Variants in SVEP1 observed in about 807,000 individuals in gnomAD.
The protein encoded by SVEP1 is sushi, von Willebrand factor type A, EGF and pentraxin domain containing 1, also known as sushi, von Willebrand factor type A, EGF and pentraxin domain-containing protein 1.
SVEP1 carries 164 observed loss-of-function variants against 367.3 expected under a neutral mutation model. That is an observed-to-expected ratio of 0.45 (90% confidence interval 0.39 to 0.51). SVEP1 has a LOEUF of 0.51. Among genes scored for constraint, SVEP1 ranks in the 20% least tolerant of loss-of-function variants. The pLI is 0.00. For synonymous variants in SVEP1, 1,666 were observed against 1,611.6 expected, an observed-to-expected ratio of 1.03 and a Z score of -0.81; for missense variants, 4,117 against 4,425.3, an observed-to-expected ratio of 0.93 and a Z score of 1.98.
chr9:110,460,480 T>C (rs1187504144), intron 18 of SVEP1, among the ~76,000 whole-genome samples: 1 of 152,154 alleles, frequency 6.6e-6, no homozygotes, highest in Non-Finnish European at 1.5e-5. Flanking sequence ...TGGTGGGGTA[T>C]GGTGGCTCAT....
At chr9:110,525,437 A>C (rs1829928429) in intron 3 of SVEP1, among the ~76,000 whole-genome samples, 1 of 152,232 alleles carries the variant, frequency 6.6e-6, no homozygotes, top group South Asian at 2.1e-4. Flanking sequence ...TCAAATATCT[A>C]AATTAATATA....
chr9:110,390,215 T>TTGTATATATACTTATATAAATATG (rs1827620608), intron 40 of SVEP1, among the ~76,000 whole-genome samples: 1 of 63,060 alleles, frequency 1.6e-5, no homozygotes, highest in Non-Finnish European at 3.3e-5. Flanking sequence ...ATGTATATAC[T>TTGTATATATACTTATATAAATATG]TGTATATATA....
Position 110,432,050 on chromosome 9 carries a change from CT to C in SVEP1, c.5234-17del, listed in dbSNP as rs760364147. The stretch of plus-strand genomic sequence containing the variant: ...TCATCGACATCTAAAATGAAGACAG[CT>C]TATAAATATTAAAGTTGATTCCTTT... On this transcript the variant is annotated splice_polypyrimidine_tract_variant and intron_variant, in intron 31 of 47. Coordinates refer to ENST00000374469, the MANE Select transcript of SVEP1 (RefSeq NM_153366.4). The C allele has an allele frequency of 6.3e-7, 1 of 1,579,066 alleles. No individual in the cohort carries two copies. Among genetic ancestry groups the C allele is most frequent in the South Asian group, 1.2e-5 (1 of 84,998 alleles).
chr9:110,479,875 A>G (rs1308950985), intron 12 of SVEP1, 119 bp from the exon 13 acceptor site: 1 of 1,405,180 alleles, frequency 7.1e-7, no homozygotes, highest in Non-Finnish European at 9.7e-7. Context: ...GGATTGTTAT[A>G]AAAACAAGAG....
intron 39 of SVEP1, among the ~76,000 whole-genome samples, chr9:110,402,991 A>C (rs1350249392): frequency 6.6e-6 from 1 of 152,196 alleles, no homozygotes; most frequent in African/African-American, 2.4e-5. Context: ...ATATCACATT[A>C]GGTAATTTAA....
chr9:110,397,619 T>C (rs187192866), intron 40 of SVEP1, among the ~76,000 whole-genome samples: 2,587 of 146,076 alleles, frequency 0.018, 43 homozygotes, highest in Non-Finnish European at 0.026. Flanking sequence ...CAAAATCTCC[T>C]TAAGTGGATA....
Position 110,407,787 on chromosome 9 carries a change from T to A in SVEP1, c.7813A>T (p.Ile2605Phe), listed in dbSNP as rs753239828. The change falls in exon 38 of 48, where the codon ATC becomes TTC. Residue 2605 changes from isoleucine (I) to phenylalanine (F), a missense_variant. Ile to Phe is a conservative substitution (Grantham distance 21). Transcript: ENST00000374469. ...TCEESGWSSS[I>F]PTCMPIDCGL... ...CAGTCTATTGGCATACATGTTGGGA[T>A]GGAACTTGACCATCCTGACTCTTCA... 42 of 1,613,882 alleles carry A rather than the reference T, an allele frequency of 2.6e-5. No individual in the cohort carries two copies. Among genetic ancestry groups the A allele is most frequent in the African/African-American group, 5.3e-5 (4 of 74,926 alleles).
chr9:110,464,304 T>C (rs1441807000), intron 18 of SVEP1, among the ~76,000 whole-genome samples: 1 of 152,228 alleles, frequency 6.6e-6, no homozygotes, highest in Non-Finnish European at 1.5e-5. Context: ...AACTCTTCAG[T>C]GAAACTATTA....
intron 6 of SVEP1, among the ~76,000 whole-genome samples, chr9:110,501,129 C>G: frequency 6.8e-6 from 1 of 146,644 alleles, no homozygotes; most frequent in South Asian, 2.1e-4. Flanking sequence ...TAAAATAATA[C>G]ATATATAAAT....
At chr9:110,385,826 GA>G (rs1827512525) in intron 43 of SVEP1, 71 bp downstream of exon 43, 4 of 1,509,358 alleles carry the variant, frequency 2.7e-6, no homozygotes, top group Non-Finnish European at 3.6e-6. Context: ...TGACTTGATT[GA>G]AAACAACCTC....
In SVEP1 at chr9:110,495,613, C is replaced by T. The variant is rs1043198922; in HGVS notation, c.1800+1202G>A. Among the ~76,000 whole-genome samples, 6 of 151,928 alleles carry T rather than the reference C, an allele frequency of 3.9e-5. No homozygotes were observed. In the South Asian group the frequency reaches 1.0e-3, roughly 26 times the overall value. On this transcript the variant is annotated intron_variant, in intron 8 of 47. Transcript: ENST00000374469. ...TTTTTCTATGTTGCGCTCTGCATCC[C>T]CCCCGCCGCCCCCAGTGTATCCTGA...
At chr9:110,466,645 C>T (rs534566297) in intron 17 of SVEP1, among the ~76,000 whole-genome samples, 15 of 146,614 alleles carry the variant, frequency 1.0e-4, no homozygotes, top group Non-Finnish European at 9.0e-5. Context: ...CCTGTAGTCC[C>T]AGCTACTTGG....
At chr9:110,460,468 A>G (rs1474498100) in intron 18 of SVEP1, among the ~76,000 whole-genome samples, 7 of 152,164 alleles carry the variant, frequency 4.6e-5, no homozygotes, top group African/African-American at 1.7e-4. Context: ...AATTCAAAGG[A>G]GTGGTGGGGT....
intron 3 of SVEP1, among the ~76,000 whole-genome samples, chr9:110,537,819 C>T (rs1588097921): frequency 6.6e-6 from 1 of 151,546 alleles, no homozygotes; most frequent in Non-Finnish European, 1.5e-5. Context: ...ATTTAAAAAT[C>T]AACGAGGGAT....
chr9:110,540,024 T>G (rs1049115981), intron 3 of SVEP1, among the ~76,000 whole-genome samples: 8 of 152,042 alleles, frequency 5.3e-5, no homozygotes, highest in Non-Finnish European at 1.2e-4. Context: ...GAGAAAATGC[T>G]CCAGAGAGTT....
chr9:110,507,846 C>A (rs574554903), intron 5 of SVEP1, among the ~76,000 whole-genome samples: 1 of 152,274 alleles, frequency 6.6e-6, no homozygotes, highest in South Asian at 2.1e-4. Context: ...TTGGCTTCAA[C>A]AAACTGCCAA....
chr9:110,509,984 C>T (rs1829682769), intron 5 of SVEP1, among the ~76,000 whole-genome samples: 1 of 152,106 alleles, frequency 6.6e-6, no homozygotes, highest in South Asian at 2.1e-4. Context: ...TAGGGTTGAT[C>T]AAAAGAGGAA....
At position 110,375,464 on chromosome 9, in the gene SVEP1, C is replaced by CAAAAAAAAA; in HGVS notation, c.10505-2_10505-1insTTTTTTTTT. On this transcript the variant is annotated splice_acceptor_variant, in intron 45 of 47. Coordinates refer to ENST00000374469, the MANE Select transcript of SVEP1 (RefSeq NM_153366.4). LOFTEE classifies it high-confidence loss of function. ...TTCAGACAGGGAAGAATGCAGATTG[C>CAAAAAAAAA]TAAAAAAAAAAAAAAAAAAAAAAAA... 5.0e-6 allele frequency: 2 copies of CAAAAAAAAA among 399,068 alleles called. No individual in the cohort carries two copies. The highest frequency in any genetic ancestry group is 5.7e-5 in the South Asian group (1 of 17,636). The allele number at this position is 399,068 out of a possible 1,614,324, so 24.7% of individuals were successfully genotyped here.
intron 5 of SVEP1, among the ~76,000 whole-genome samples, chr9:110,504,226 T>TG (rs1829588816): frequency 6.6e-6 from 1 of 151,250 alleles, no homozygotes; most frequent in Non-Finnish European, 1.5e-5. Flanking sequence ...GGCTATTTTT[T>TG]TTTTTGAATT....
Sources: gnomAD v4.1 joint callset for allele counts (sites outside exome capture counted in the v4.1 genomes callset) on GRCh38, gnomAD v4.1.1 for gene constraint, MANE v1.5 for transcripts, NCBI Gene and HGNC (gene_info 2026-07-23, HGNC 2026-07-21) for gene names.